The following ZNF609 variants were observed in gnomAD, a reference collection of about 807,000 sequenced individuals.
ZNF609 encodes zinc finger protein 609.
ZNF609 carries 11 observed loss-of-function variants against 109.5 expected under a neutral mutation model. The ratio of observed to expected loss-of-function variants is 0.10; its 90% CI spans 0.06 to 0.17. The LOEUF (loss-of-function observed/expected upper bound fraction) is 0.17, where lower values mean the gene tolerates loss of function less well. Among genes scored for constraint, ZNF609 ranks in the 10% least tolerant of loss-of-function variants. The pLI is 1.00. For missense variants in ZNF609, 1,559 were observed against 1,772.4 expected (o/e 0.88, Z 2.16); for synonymous variants, 646 against 662.0 (o/e 0.98, Z 0.37).
At chr15:64,479,533 C>T (rs548007244) in intron 1 of ZNF609, among the ~76,000 whole-genome samples, 4 of 151,872 alleles carry the variant, frequency 2.6e-5, no homozygotes, top group East Asian at 2.0e-4. Flanking sequence ...CCTTGTGATC[C>T]GCCCATCTCG....
At chr15:64,513,859 A>C (rs1893768323) in intron 2 of ZNF609, among the ~76,000 whole-genome samples, 1 of 152,148 alleles carries the variant, frequency 6.6e-6, no homozygotes. Flanking sequence ...CAGGAGGCCA[A>C]GGTGGGAGGA....
intron 1 of ZNF609, among the ~76,000 whole-genome samples, chr15:64,484,675 C>CAAAAA (rs35508980): frequency 1.4e-5 from 1 of 69,932 alleles, no homozygotes; most frequent in African/African-American, 6.3e-5. Flanking sequence ...GACTCTGTCT[C>CAAAAA]AAAAAAAAAA....
chr15:64,480,531 C>CAA (rs1159544328), intron 1 of ZNF609, among the ~76,000 whole-genome samples: 1 of 134,416 alleles, frequency 7.4e-6, no homozygotes, highest in Non-Finnish European at 1.6e-5. Context: ...GACTCCATCT[C>CAA]AAAAAAAAAA....
intron 3 of ZNF609, among the ~76,000 whole-genome samples, chr15:64,666,797 G>T (rs1896655332): frequency 6.6e-6 from 1 of 151,220 alleles, no homozygotes; most frequent in South Asian, 2.1e-4. Flanking sequence ...TTACAGGCAT[G>T]AGCCACCGCA....
intron 3 of ZNF609, among the ~76,000 whole-genome samples, chr15:64,624,368 G>T (rs1895921341): frequency 6.6e-6 from 1 of 152,110 alleles, no homozygotes; most frequent in Admixed American, 6.6e-5. Flanking sequence ...ATGGACAAAT[G>T]TCTGAACAGT....
chr15:64,527,646 C>T (rs1237674999), intron 2 of ZNF609, among the ~76,000 whole-genome samples: 2 of 152,010 alleles, frequency 1.3e-5, no homozygotes, highest in South Asian at 4.2e-4. Context: ...ATAATTTGTC[C>T]CTAAAGTCCA....
intron 1 of ZNF609, among the ~76,000 whole-genome samples, chr15:64,463,024 C>T (rs1209964047): frequency 6.6e-6 from 1 of 151,958 alleles, no homozygotes; most frequent in Non-Finnish European, 1.5e-5. Context: ...GAGGCTGAGG[C>T]AGGAGGATCA....
At chr15:64,673,170 C>T (rs189260021) in intron 4 of ZNF609, among the ~76,000 whole-genome samples, 1 of 152,078 alleles carries the variant, frequency 6.6e-6, no homozygotes, top group Non-Finnish European at 1.5e-5. Flanking sequence ...TTCTGGGAAC[C>T]CAAAGGAGAT....
intron 2 of ZNF609, among the ~76,000 whole-genome samples, chr15:64,617,274 A>G (rs1895814617): frequency 6.6e-6 from 1 of 151,460 alleles, no homozygotes; most frequent in South Asian, 2.1e-4. Flanking sequence ...CTCCCATTTC[A>G]GCCTCCCAAA....
intron 3 of ZNF609, among the ~76,000 whole-genome samples, chr15:64,640,014 G>T (rs139676327): frequency 7.3e-4 from 111 of 152,136 alleles, no homozygotes; most frequent in African/African-American, 2.5e-3. Context: ...CCGCCTCCTG[G>T]GTTCAAGCGA....
intron 3 of ZNF609, among the ~76,000 whole-genome samples, chr15:64,637,900 TC>T (rs1443954688): frequency 1.3e-5 from 2 of 150,164 alleles, no homozygotes; most frequent in Non-Finnish European, 3.0e-5. Flanking sequence ...TTTTTGTTTT[TC>T]TTTTATTGTT....
At chr15:64,588,458 G>C (rs1004617238) in intron 2 of ZNF609, among the ~76,000 whole-genome samples, 2 of 106,284 alleles carry the variant, frequency 1.9e-5, no homozygotes, top group Admixed American at 9.6e-5. Context: ...GAGGAAGACT[G>C]TACAGACTAC....
rs747878896 is a variant in ZNF609, at chr15:64,676,011, G to A, written c.3157G>A (p.Ala1053Thr). ...KPSIPPTLTK[A>T]PSLTDLVKSG... is the part of the protein sequence containing the mutation. The stretch of plus-strand genomic sequence containing the variant: ...GTCAATTCCACCAACTCTCACCAAG[G>A]CCCCCAGCCTGACAGACCTGGTGAA... The change falls in exon 5 of 10, where the codon GCC (alanine) becomes ACC (threonine). Residue 1053 changes from alanine to threonine, a missense_variant. By Grantham distance (58) the Ala-to-Thr change is moderately conservative (BLOSUM62 0). Transcript: ENST00000326648. 6 of 1,614,068 alleles carry A rather than the reference G, an allele frequency of 3.7e-6. No homozygotes were observed. In the Admixed American group the frequency reaches 6.7e-5, roughly 18 times the overall value.
rs774129537 is a variant in ZNF609, at chr15:64,622,850, A to G, written c.771A>G (p.Pro257=). 1.1e-5 allele frequency: 17 copies of G among 1,614,148 alleles called. No homozygotes were observed. The highest frequency in any genetic ancestry group is 3.3e-4 in the Middle Eastern group (2 of 6,084). The change falls in exon 3 of 10, where the codon CCA becomes CCG. Residue 257 remains proline (P), a synonymous_variant. Transcript: ENST00000326648. ...AGATGGAGTCCCCTGTTTCCACACC[A>G]GCAGTGCTGCCAATACACCTTTTGG... ...SEKMESPVST[P]AVLPIHLLVP...
chr15:64,656,244 A>G (rs1391255868), intron 3 of ZNF609, among the ~76,000 whole-genome samples: 2 of 152,008 alleles, frequency 1.3e-5, no homozygotes, highest in East Asian at 3.8e-4. Context: ...TTGTATTTTT[A>G]GTAGATATGG....
rs750842572 is a variant in ZNF609, at chr15:64,675,498, C to T, written c.2644C>T (p.Pro882Ser). 7 of 1,614,036 alleles carry T rather than the reference C, an allele frequency of 4.3e-6. No homozygotes were observed. In the Admixed American group the frequency reaches 5.0e-5, roughly 12 times the overall value. Residue 882 changes from proline (P) to serine (S), a missense_variant, in exon 5 of 10, where the codon CCT becomes TCT. This residue lies in a region of ZNF609 where 1,204 missense variants were observed against 1,314.1 expected (regional missense o/e 0.92). Coordinates refer to ENST00000326648, the MANE Select transcript of ZNF609 (RefSeq NM_015042.2). ...AGGGGCTAAGAAAACTCTTTTTCCC[C>T]CTCAGCCTCAGAGCAAAGACTCACC... ...KEGAKKTLFP[P>S]QPQSKDSPYY...
intron 2 of ZNF609, chr15:64,501,097 G>A (rs890493290): frequency 2.6e-5 from 4 of 152,830 alleles, no homozygotes; most frequent in African/African-American, 9.6e-5. Flanking sequence ...CAGTGGCCTT[G>A]TGGTGAGCTG....
At chr15:64,593,060 C>A in intron 2 of ZNF609, 1 of 1,587,560 alleles carries the variant, frequency 6.3e-7, no homozygotes, top group South Asian at 1.1e-5. Flanking sequence ...TAACTGTGCC[C>A]GATGCGTGCC....
At chr15:64,592,755 TAAAAA>T (rs34625066) in intron 2 of ZNF609, among the ~76,000 whole-genome samples, 2 of 134,300 alleles carry the variant, frequency 1.5e-5, no homozygotes, top group Non-Finnish European at 1.6e-5. Flanking sequence ...CATTTCTACT[TAAAAA>T]AAAAAAAAAA....
Sources: allele counts gnomAD v4.1 joint callset (sites outside exome capture counted in the v4.1 genomes callset), GRCh38; gene constraint gnomAD v4.1.1; regional missense constraint gnomAD v4.1.1; transcripts MANE v1.5; gene names NCBI Gene and HGNC (gene_info 2026-07-23, HGNC 2026-07-21).